XKR4: variants seen among roughly 807,000 people sequenced by gnomAD.
XKR4 encodes XK related 4, also known as XK-related protein 4.
XKR4 carries 12 observed loss-of-function variants against 53.9 expected under a neutral mutation model. The observed-to-expected ratio is 0.22, with a 90% confidence interval of 0.14 to 0.36. XKR4 has a LOEUF of 0.36. Among genes scored for constraint, XKR4 ranks in the 10% least tolerant of loss-of-function variants. The pLI is 1.00. For missense variants in XKR4, 799 were observed against 859.5 expected (o/e 0.93, Z 0.88); for synonymous variants, 354 against 362.4 (o/e 0.98, Z 0.26).
chr8:55,159,990 T>A (rs111944084), intron 1 of XKR4, among the ~76,000 whole-genome samples: 8 of 152,296 alleles, frequency 5.3e-5, no homozygotes, highest in African/African-American at 1.9e-4. Context: ...GAGGTGCTAT[T>A]GATCTGAGCA....
intron 2 of XKR4, among the ~76,000 whole-genome samples, chr8:55,456,811 A>G (rs1450433302): frequency 6.6e-6 from 1 of 152,176 alleles, no homozygotes; most frequent in Non-Finnish European, 1.5e-5. Context: ...AACATATGTG[A>G]AATAAGGGTC....
At chr8:55,341,080 G>A (rs1438338576) in intron 1 of XKR4, among the ~76,000 whole-genome samples, 2 of 152,130 alleles carry the variant, frequency 1.3e-5, no homozygotes, top group African/African-American at 4.8e-5. Flanking sequence ...CATCATTGGG[G>A]GTGCTGCGGG....
chr8:55,410,864 C>T (rs555121155), intron 2 of XKR4, among the ~76,000 whole-genome samples: 5 of 152,294 alleles, frequency 3.3e-5, no homozygotes, highest in Admixed American at 6.5e-5. Flanking sequence ...GTGTTCTAGG[C>T]TGTTCCCCAA....
At chr8:55,494,105 G>C (rs1291599759) in intron 2 of XKR4, among the ~76,000 whole-genome samples, 1 of 152,268 alleles carries the variant, frequency 6.6e-6, no homozygotes, top group African/African-American at 2.4e-5. Context: ...GCACAGAGCA[G>C]CGAGGGGTGT....
intron 2 of XKR4, among the ~76,000 whole-genome samples, chr8:55,433,471 A>G (rs1805130334): frequency 6.6e-6 from 1 of 152,228 alleles, no homozygotes. Context: ...CTCATTTTCA[A>G]GATTACTGAT....
intron 2 of XKR4, among the ~76,000 whole-genome samples, chr8:55,462,329 TAAAGA>T (rs1805672225): frequency 6.6e-6 from 1 of 152,146 alleles, no homozygotes; most frequent in Admixed American, 6.5e-5. Context: ...TCAACATTCT[TAAAGA>T]AAAGAATTTT....
At chr8:55,439,860 A>AAGAAGC (rs1370477204) in intron 2 of XKR4, among the ~76,000 whole-genome samples, 1 of 152,226 alleles carries the variant, frequency 6.6e-6, no homozygotes, top group Non-Finnish European at 1.5e-5. Context: ...CTTCATACTC[A>AAGAAGC]AGAAGCCTAA....
At chr8:55,130,141 A>G (rs1563463811) in intron 1 of XKR4, among the ~76,000 whole-genome samples, 1 of 152,232 alleles carries the variant, frequency 6.6e-6, no homozygotes, top group Non-Finnish European at 1.5e-5. Flanking sequence ...AGGTACTATT[A>G]TTGGCATCAA....
chr8:55,240,571 G>T (rs1818197454), intron 1 of XKR4, among the ~76,000 whole-genome samples: 1 of 152,108 alleles, frequency 6.6e-6, no homozygotes, highest in African/African-American at 2.4e-5. Context: ...GGAATCATTT[G>T]AGCCTCATTA....
chr8:55,377,545 C>T, intron 2 of XKR4, among the ~76,000 whole-genome samples: 1 of 151,760 alleles, frequency 6.6e-6, no homozygotes. Context: ...CTGCTTTTTC[C>T]CTTAAGGAGC....
chr8:55,439,930 C>T (rs1435982046), intron 2 of XKR4, among the ~76,000 whole-genome samples: 1 of 152,088 alleles, frequency 6.6e-6, no homozygotes, highest in African/African-American at 2.4e-5. Flanking sequence ...CGTGAAGCTG[C>T]AGGACGCCAA....
chr8:55,541,870 A>G lies in XKR4; in HGVS notation c.*17643A>G, dbSNP rs1221437604. ...AGCAGGCAGTGACCCCCAGTGCCCT[A>G]GTTTGAAGCACAGTGTGTGGAGTAT... is the stretch of plus-strand genomic sequence containing the variant. On this transcript the variant is annotated 3_prime_UTR_variant, in exon 3 of 3. Transcript: ENST00000327381. 2.6e-5 allele frequency: 4 copies of G among 152,064 alleles called. No individual in the cohort carries two copies. Among genetic ancestry groups the G allele is most frequent in the Non-Finnish European group, 5.9e-5 (4 of 68,006 alleles). The allele number at this position is 152,064 out of a possible 1,614,324, so 9.4% of individuals were successfully genotyped here.
In XKR4 at chr8:55,527,018, C is replaced by T. The variant is rs2129406330; in HGVS notation, c.*2791C>T. On this transcript the variant is annotated 3_prime_UTR_variant, in exon 3 of 3. Transcript: ENST00000327381. ...TATCCATGATGTGATGAATTACAAC[C>T]TTTCAAAAGATTACAAGAGCAAAAC... is the stretch of plus-strand genomic sequence containing the variant. 6.6e-6 allele frequency: 1 copy of T among 152,228 alleles called. No individual in the cohort carries two copies. Among genetic ancestry groups the T allele is most frequent in the Non-Finnish European group, 1.5e-5 (1 of 67,994 alleles). 9.4% of individuals were successfully genotyped at this position (152,228 alleles called of 1,614,324 possible). A position where few individuals can be genotyped will look rare whatever the true frequency, so the allele number is the denominator to read the frequency against.
At chr8:55,420,639 G>A (rs1303751963) in intron 2 of XKR4, among the ~76,000 whole-genome samples, 5 of 123,336 alleles carry the variant, frequency 4.1e-5, no homozygotes, top group African/African-American at 1.5e-4. Context: ...CTGTTGTGGG[G>A]TGGGGGGAGG....
intron 1 of XKR4, among the ~76,000 whole-genome samples, chr8:55,337,882 C>A (rs1475928944): frequency 6.6e-6 from 1 of 152,160 alleles, no homozygotes; most frequent in Admixed American, 6.5e-5. Flanking sequence ...ATTTTCCTCA[C>A]TATGTTATGA....
At position 55,273,015 on chromosome 8, in the gene XKR4, G is replaced by C. The variant is rs573878799; in HGVS notation, c.807-84663G>C. The C allele has an allele frequency of 1.0e-5, 4 of 385,868 alleles. No individual in the cohort carries two copies. The East Asian group carries it at 2.2e-4, about 21-fold the overall frequency. 23.9% of individuals were successfully genotyped at this position (385,868 alleles called of 1,614,324 possible). A position where few individuals can be genotyped will look rare whatever the true frequency, so the allele number is the denominator to read the frequency against. On this transcript the variant is annotated intron_variant, in intron 1 of 2. Coordinates refer to ENST00000327381, the MANE Select transcript of XKR4 (RefSeq NM_052898.2). ...TAGAATGCCTCAGCCTGTCTCTAAG[G>C]GTGTGATGTGGTGATGTAATTCCAT...
chr8:55,193,593 T>G (rs1386398947), intron 1 of XKR4, among the ~76,000 whole-genome samples: 1 of 152,200 alleles, frequency 6.6e-6, no homozygotes, highest in Non-Finnish European at 1.5e-5. Flanking sequence ...GATAGATCCC[T>G]TCGGGAGCAA....
chr8:55,414,278 T>C (rs1281133677), intron 2 of XKR4, among the ~76,000 whole-genome samples: 1 of 152,158 alleles, frequency 6.6e-6, no homozygotes, highest in African/African-American at 2.4e-5. Flanking sequence ...TTTATTCACA[T>C]ATTTACTAAT....
chr8:55,357,133 T>C (rs1012566493), intron 1 of XKR4, among the ~76,000 whole-genome samples: 2 of 152,174 alleles, frequency 1.3e-5, no homozygotes, highest in Non-Finnish European at 2.9e-5. Flanking sequence ...CCAACCCTCA[T>C]TGTTCAAGGA....
Sources: allele counts gnomAD v4.1 joint callset (sites outside exome capture counted in the v4.1 genomes callset), GRCh38; gene constraint gnomAD v4.1.1; transcripts MANE v1.5; gene names NCBI Gene and HGNC (gene_info 2026-07-23, HGNC 2026-07-21).